The following GSE1 variants were observed in gnomAD, a reference collection of about 807,000 sequenced individuals.
GSE1 encodes the protein Gse1 coiled-coil protein, also known as genetic suppressor element 1.
GSE1 carries 32 observed loss-of-function variants against 112.6 expected under a neutral mutation model. The ratio of observed to expected loss-of-function variants is 0.28; its 90% CI spans 0.21 to 0.38. GSE1 has a LOEUF of 0.38. GSE1 is among the 10% of genes least tolerant of loss of function. The pLI, the probability that GSE1 is intolerant of heterozygous loss-of-function variation, is 1.00. For missense variants in GSE1, 2,348 were observed against 1,699.2 expected (o/e 1.38, Z -6.71); for synonymous variants, 1,115 against 735.6 (o/e 1.52, Z -8.35).
chr16:85,526,687 G>C (rs962100170), intron 2 of GSE1, among the ~76,000 whole-genome samples: 9 of 152,224 alleles, frequency 5.9e-5, no homozygotes, highest in African/African-American at 2.2e-4. Context: ...CCGCCTGCCA[G>C]CTTGGCTGCC....
chr16:85,633,250 T>C (rs1416618642), intron 1 of GSE1, among the ~76,000 whole-genome samples: 2 of 152,246 alleles, frequency 1.3e-5, no homozygotes. Context: ...CCTGCCTGTG[T>C]GGCCCCATCT....
At chr16:85,633,412 C>G (rs1598465979) in intron 1 of GSE1, among the ~76,000 whole-genome samples, 1 of 152,212 alleles carries the variant, frequency 6.6e-6, no homozygotes, top group Non-Finnish European at 1.5e-5. Flanking sequence ...CTTCTGAGGG[C>G]ATTGCCATGC....
chr16:85,510,103 G>C (rs959901983), intron 2 of GSE1, among the ~76,000 whole-genome samples: 3 of 152,212 alleles, frequency 2.0e-5, no homozygotes, highest in African/African-American at 4.8e-5. Flanking sequence ...GCCACCATCA[G>C]ATGTACCCGC....
chr16:85,337,663 C>A (rs1416535696), intron 1 of GSE1, among the ~76,000 whole-genome samples: 2 of 151,960 alleles, frequency 1.3e-5, no homozygotes, highest in African/African-American at 4.8e-5. Flanking sequence ...GGCTGGGGGC[C>A]AGTCACCTGG....
At chr16:85,632,150 C>T (rs761606964) in intron 1 of GSE1, among the ~76,000 whole-genome samples, 12 of 152,200 alleles carry the variant, frequency 7.9e-5, no homozygotes, top group South Asian at 4.1e-4. Flanking sequence ...AGGTCCCCCT[C>T]CACCCCTGGC....
chr16:85,177,924 A>G (rs115853560), intron 1 of GSE1, among the ~76,000 whole-genome samples: 2,858 of 152,234 alleles, frequency 0.019, 92 homozygotes, highest in African/African-American at 0.066. Flanking sequence ...CTCTACCCTC[A>G]TCCATATCTA....
At chr16:85,657,746 T>A in intron 8 of GSE1, 142 bp downstream of exon 8, 1 of 606,250 alleles carries the variant, frequency 1.6e-6, no homozygotes, top group Non-Finnish European at 2.7e-6. Flanking sequence ...CATCTTCACG[T>A]TATAATGCCT....
chr16:85,186,296 C>T (rs1025933701), intron 1 of GSE1, among the ~76,000 whole-genome samples: 1 of 151,954 alleles, frequency 6.6e-6, no homozygotes, highest in African/African-American at 2.4e-5. Flanking sequence ...ATAGTGAGAC[C>T]CCATATGTAC....
intron 1 of GSE1, among the ~76,000 whole-genome samples, chr16:85,560,128 C>CTTTT (rs377241566): frequency 0.036 from 3,558 of 99,074 alleles, 19 homozygotes; most frequent in African/African-American, 0.046. Flanking sequence ...TCTTCTTCTT[C>CTTTT]TTTTTTTTTT....
chr16:85,216,351 C>T (rs1368861936), intron 1 of GSE1, among the ~76,000 whole-genome samples: 1 of 152,156 alleles, frequency 6.6e-6, no homozygotes, highest in Non-Finnish European at 1.5e-5. Context: ...CTGCAGGGAG[C>T]TATGATCCCG....
chr16:85,617,876 C>T (rs540409580), intron 1 of GSE1, among the ~76,000 whole-genome samples: 23 of 152,226 alleles, frequency 1.5e-4, no homozygotes, highest in African/African-American at 5.3e-4. Flanking sequence ...ATGGAGAACC[C>T]TGGTGACTCA....
chr16:85,186,605 GAAA>G (rs758525570), intron 1 of GSE1, among the ~76,000 whole-genome samples: 77 of 123,004 alleles, frequency 6.3e-4, no homozygotes, highest in Admixed American at 2.1e-3. Flanking sequence ...TCTGTCTCAA[GAAA>G]AAAAAAAAAA....
chr16:85,257,609 A>G (rs1431579115), intron 1 of GSE1, among the ~76,000 whole-genome samples: 1 of 152,242 alleles, frequency 6.6e-6, no homozygotes, highest in Non-Finnish European at 1.5e-5. Flanking sequence ...CAAAGGAAAA[A>G]AACTAGCCTG....
At chr16:85,566,797 T>C (rs995544440) in intron 1 of GSE1, among the ~76,000 whole-genome samples, 3 of 152,210 alleles carry the variant, frequency 2.0e-5, no homozygotes, top group Non-Finnish European at 4.4e-5. Context: ...TTTCCCGTGA[T>C]TATCTGACAA....
chr16:85,354,305 T>C (rs2046907361), intron 1 of GSE1, among the ~76,000 whole-genome samples: 1 of 152,228 alleles, frequency 6.6e-6, no homozygotes, highest in Admixed American at 6.5e-5. Flanking sequence ...CCTCCAGTTA[T>C]TGTGTGAGCT....
At chr16:85,265,429 G>C (rs575840665) in intron 1 of GSE1, among the ~76,000 whole-genome samples, 1 of 152,120 alleles carries the variant, frequency 6.6e-6, no homozygotes, top group African/African-American at 2.4e-5. Context: ...CCCCAGACCC[G>C]CGCTAATGCA....
Position 85,226,213 on chromosome 16 carries a change from C to T in GSE1, c.2283+54406C>T, listed in dbSNP as rs141985517. On this transcript the variant is annotated intron_variant, in intron 1 of 2. Transcript: ENST00000637419. Reference sequence around the variant, plus strand: ...CCGAAACCACCACTGGCAGAGAGGCCGTCTATCAGGAGTGATATCTGGATG... The same window carrying T: ...CCGAAACCACCACTGGCAGAGAGGCTGTCTATCAGGAGTGATATCTGGATG... 4.1e-4 allele frequency among the ~76,000 whole-genome samples: 62 copies of T among 152,226 alleles called. No homozygotes were observed. In the Middle Eastern group the frequency reaches 0.014, roughly 33 times the overall value.
At chr16:85,212,995 A>G (rs1472301801) in intron 1 of GSE1, among the ~76,000 whole-genome samples, 1 of 151,912 alleles carries the variant, frequency 6.6e-6, no homozygotes, top group Non-Finnish European at 1.5e-5. Context: ...AGGCTGCCGG[A>G]TGTGGTGGCT....
intron 1 of GSE1, among the ~76,000 whole-genome samples, chr16:85,180,520 G>C (rs1433082977): frequency 6.6e-6 from 1 of 152,282 alleles, no homozygotes; most frequent in Non-Finnish European, 1.5e-5. Flanking sequence ...GGCATTGATA[G>C]CATGCGCCTG....
Sources: gnomAD v4.1 joint callset for allele counts (sites outside exome capture counted in the v4.1 genomes callset) on GRCh38, gnomAD v4.1.1 for gene constraint, MANE v1.5 for transcripts, NCBI Gene and HGNC (gene_info 2026-07-23, HGNC 2026-07-21) for gene names.